The following GALNT13 variants were observed in gnomAD, a reference collection of about 807,000 sequenced individuals.
GALNT13 encodes UDP-GalNAc:polypeptide N-acetylgalactosaminyltransferase 13.
GALNT13 carries 28 observed loss-of-function variants against 64.2 expected under a neutral mutation model. The observed-to-expected ratio is 0.44, with a 90% CI of 0.32 to 0.60. The LOEUF (loss-of-function observed/expected upper bound fraction) is 0.60. Among genes scored for constraint, GALNT13 ranks in the 20% least tolerant of loss-of-function variants. The probability of loss-of-function intolerance (pLI) is 0.05; values close to 1 mark genes in which losing one functional copy is unlikely to be tolerated. For missense variants in GALNT13, 577 were observed against 669.8 expected, an observed-to-expected ratio of 0.86 and a Z score of 1.53; for synonymous variants, 214 against 224.6, an observed-to-expected ratio of 0.95 and a Z score of 0.42.
the GALNT13 span, among the ~76,000 whole-genome samples, chr2:153,381,194 T>C: frequency 6.6e-6 from 1 of 152,040 alleles, no homozygotes; most frequent in Admixed American, 6.6e-5. Flanking sequence ...CCATCGATCC[T>C]CCTCATCCTC....
chr2:153,858,223 G>T, the GALNT13 span, among the ~76,000 whole-genome samples: 1 of 152,144 alleles, frequency 6.6e-6, no homozygotes, highest in African/African-American at 2.4e-5. Context: ...GACAGAAAAT[G>T]CAAAGGCCCT....
At chr2:153,793,279 A>G in the GALNT13 span, among the ~76,000 whole-genome samples, 1 of 152,076 alleles carries the variant, frequency 6.6e-6, no homozygotes, top group African/African-American at 2.4e-5. Context: ...GCCCTGAGGT[A>G]ACATTTCATA....
rs181698196 is a variant in GALNT13 at position 153,900,614 on chromosome 2, T to A, written c.-176-322T>A. 5.3e-3 allele frequency among the ~76,000 whole-genome samples: 803 copies of A among 152,328 alleles called. 3 individuals carry two copies. Among genetic ancestry groups the A allele is most frequent in the Non-Finnish European group, 9.7e-3 (660 of 68,022 alleles). ...TATATTTACTTATGAACATCTCATATTTTTGAATTACTTTTATGCCATTCT... is the reference window on the plus strand; with the variant it reads ...TATATTTACTTATGAACATCTCATAATTTTGAATTACTTTTATGCCATTCT... On this transcript the variant is annotated intron_variant, in intron 1 of 12. Coordinates refer to ENST00000392825, the MANE Select transcript of GALNT13 (RefSeq NM_052917.4).
At chr2:153,596,188 T>A in the GALNT13 span, among the ~76,000 whole-genome samples, 1 of 152,208 alleles carries the variant, frequency 6.6e-6, no homozygotes, top group Non-Finnish European at 1.5e-5. Context: ...GATTGAGTTC[T>A]GAGAGGGAGT....
intron 4 of GALNT13, among the ~76,000 whole-genome samples, chr2:154,215,161 C>T (rs912328973): frequency 6.6e-6 from 1 of 152,158 alleles, no homozygotes; most frequent in African/African-American, 2.4e-5. Flanking sequence ...CAGCTGTGTA[C>T]AGAGCTCTCA....
At chr2:153,862,216 C>T in the GALNT13 span, among the ~76,000 whole-genome samples, 1 of 152,128 alleles carries the variant, frequency 6.6e-6, no homozygotes, top group Non-Finnish European at 1.5e-5. Flanking sequence ...CACACGTACA[C>T]ACATGCTTAT....
At chr2:154,330,535 C>T (rs1039590110) in intron 9 of GALNT13, among the ~76,000 whole-genome samples, 5 of 152,054 alleles carry the variant, frequency 3.3e-5, no homozygotes, top group Non-Finnish European at 4.4e-5. Flanking sequence ...TCTTAACTGA[C>T]GAGGCTGTGT....
intron 4 of GALNT13, among the ~76,000 whole-genome samples, chr2:154,202,185 G>A (rs1054986568): frequency 2.6e-5 from 4 of 152,100 alleles, no homozygotes; most frequent in East Asian, 1.9e-4. Flanking sequence ...TGTTAATGGA[G>A]TGTCTACTGT....
At chr2:153,248,822 AAAAAAAG>A in the GALNT13 span, among the ~76,000 whole-genome samples, 4 of 43,472 alleles carry the variant, frequency 9.2e-5, no homozygotes, top group South Asian at 7.4e-4. Flanking sequence ...TCTCGAAAAA[AAAAAAAG>A]AAAAAAAAGA....
chr2:153,435,133 T>C, the GALNT13 span, among the ~76,000 whole-genome samples: 10 of 152,334 alleles, frequency 6.6e-5, no homozygotes, highest in South Asian at 2.1e-4. Context: ...AAAGATCTTA[T>C]AGTTGTAGAT....
the GALNT13 span, among the ~76,000 whole-genome samples, chr2:153,600,502 G>A: frequency 4.6e-5 from 7 of 151,928 alleles, no homozygotes; most frequent in African/African-American, 1.7e-4. Flanking sequence ...TATAGTGCCA[G>A]ACTGAGAGAG....
chr2:153,724,358 G>T, the GALNT13 span, among the ~76,000 whole-genome samples: 1 of 127,462 alleles, frequency 7.8e-6, no homozygotes, highest in African/African-American at 3.8e-5. Flanking sequence ...AACCCTAGAA[G>T]AAAACCTAGG....
At chr2:153,757,402 TG>T in the GALNT13 span, among the ~76,000 whole-genome samples, 1 of 152,228 alleles carries the variant, frequency 6.6e-6, no homozygotes, top group Non-Finnish European at 1.5e-5. Flanking sequence ...ACTACGTTTT[TG>T]TCCATTAATT....
the GALNT13 span, among the ~76,000 whole-genome samples, chr2:153,185,701 A>C: frequency 8.5e-5 from 13 of 152,174 alleles, no homozygotes; most frequent in East Asian, 2.5e-3. Flanking sequence ...TTTCTGCTTT[A>C]ATTTCATTAT....
chr2:153,579,121 C>A, the GALNT13 span, among the ~76,000 whole-genome samples: 2 of 152,142 alleles, frequency 1.3e-5, no homozygotes, highest in Non-Finnish European at 2.9e-5. Flanking sequence ...AAACCTGAAA[C>A]TCCTATTGTT....
the GALNT13 span, among the ~76,000 whole-genome samples, chr2:153,331,106 C>T: frequency 9.2e-5 from 14 of 152,246 alleles, 1 homozygote; most frequent in South Asian, 2.3e-3. Context: ...ACCAACTTTG[C>T]ACCCCAGAAG....
At chr2:154,300,099 C>CTTTTTTTTT (rs368475927) in intron 8 of GALNT13, among the ~76,000 whole-genome samples, 1 of 117,050 alleles carries the variant, frequency 8.5e-6, no homozygotes, top group Middle Eastern at 5.7e-3. Context: ...TTCTTTCTCT[C>CTTTTTTTTT]TTTTTTTTTT....
the GALNT13 span, among the ~76,000 whole-genome samples, chr2:153,809,665 T>C: frequency 6.6e-6 from 1 of 152,174 alleles, no homozygotes; most frequent in Non-Finnish European, 1.5e-5. Context: ...ATCCGAGGCA[T>C]ATCTTAACAT....
rs570677634 is a variant in GALNT13, at chr2:153,983,512, T to A, written c.142+38873T>A. Among the ~76,000 whole-genome samples the A allele has an allele frequency of 1.6e-4, 24 of 152,078 alleles. No homozygotes were observed. The South Asian group carries it at 4.1e-3, about 26-fold the overall frequency. The stretch of plus-strand genomic sequence containing the variant: ...TCTCTTCCTTTAATTTTTGGGTTGG[T>A]TGGAGTTATCTGGTAAAGTGAATCT... On this transcript the variant is annotated intron_variant, in intron 3 of 12. Transcript: ENST00000392825.
Sources: gnomAD v4.1 joint callset for allele counts (sites outside exome capture counted in the v4.1 genomes callset) on GRCh38, gnomAD v4.1.1 for gene constraint, MANE v1.5 for transcripts, NCBI Gene and HGNC (gene_info 2026-07-23, HGNC 2026-07-21) for gene names.